Variants in KMT2C observed in about 807,000 individuals in gnomAD.
KMT2C encodes the protein histone-lysine N-methyltransferase 2C.
A neutral mutation model predicts 507.9 loss-of-function variants in KMT2C; 88 were observed. The ratio of observed to expected loss-of-function variants is 0.17; its 90% confidence interval spans 0.15 to 0.21. KMT2C has a LOEUF of 0.21. KMT2C is among the 10% of genes least tolerant of loss of function. The probability of loss-of-function intolerance (pLI) is 1.00; values close to 1 mark genes in which losing one functional copy is unlikely to be tolerated. For missense variants in KMT2C, 4,954 were observed against 5,957.8 expected (o/e 0.83, Z 5.55); for synonymous variants, 2,049 against 2,080.8 (o/e 0.98, Z 0.42).
chr7:152,307,888 T>A (rs141847809), intron 6 of KMT2C, among the ~76,000 whole-genome samples: 1 of 152,214 alleles, frequency 6.6e-6, no homozygotes, highest in Non-Finnish European at 1.5e-5. Flanking sequence ...CCTCTGGTTC[T>A]AATCCACCAC....
Position 152,136,332 on chromosome 7 carries a change from T to C in KMT2C, c.*500A>G, listed in dbSNP as rs2089868393. On this transcript the variant is annotated 3_prime_UTR_variant, in exon 59 of 59. Coordinates refer to ENST00000262189, the MANE Select transcript of KMT2C (RefSeq NM_170606.3). ...CTTGTTCAGTGGTGTCTACTTTATT[T>C]AAAAACATTTTGAAGTTAGAGGGCC... 4.6e-6 allele frequency: 1 copy of C among 219,284 alleles called. No homozygotes were observed. Among genetic ancestry groups the C allele is most frequent in the South Asian group, 1.8e-4 (1 of 5,504 alleles). The allele number at this position is 219,284 out of a possible 1,614,324, so 13.6% of individuals were successfully genotyped here. A position where few individuals can be genotyped will look rare whatever the true frequency, so the allele number is the denominator to read the frequency against.
intron 31 of KMT2C, among the ~76,000 whole-genome samples, chr7:152,193,371 G>C (rs956070267): frequency 2.0e-5 from 3 of 152,074 alleles, no homozygotes; most frequent in South Asian, 2.1e-4. Flanking sequence ...GAAGAAAAAT[G>C]AACAAAATAG....
At chr7:152,287,918 G>A (rs1419464835) in intron 6 of KMT2C, among the ~76,000 whole-genome samples, 1 of 150,912 alleles carries the variant, frequency 6.6e-6, no homozygotes, top group Non-Finnish European at 1.5e-5. Flanking sequence ...CAGCTACTCA[G>A]GAGGCTGAGG....
At chr7:152,390,923 G>A (rs1381838794) in intron 1 of KMT2C, among the ~76,000 whole-genome samples, 38 of 151,920 alleles carry the variant, frequency 2.5e-4, no homozygotes, top group Non-Finnish European at 2.2e-4. Flanking sequence ...GAGGCAGATG[G>A]ATCACGAGGT....
At chr7:152,372,860 C>T (rs2097302630) in intron 1 of KMT2C, among the ~76,000 whole-genome samples, 1 of 152,112 alleles carries the variant, frequency 6.6e-6, no homozygotes, top group Non-Finnish European at 1.5e-5. Context: ...ACTAAATGGA[C>T]CTAACAGACA....
intron 2 of KMT2C, among the ~76,000 whole-genome samples, chr7:152,355,569 AC>A (rs201117012): frequency 5.9e-5 from 9 of 151,954 alleles, no homozygotes; most frequent in South Asian, 2.1e-4. Context: ...AAACAAACAA[AC>A]AAAAAAAAAC....
At position 152,250,960 on chromosome 7, in the gene KMT2C, T is replaced by G; in HGVS notation, c.1628A>C (p.Asn543Thr). The G allele has an allele frequency of 6.4e-7, 1 of 1,552,082 alleles. No individual in the cohort carries two copies. The highest frequency in any genetic ancestry group is 8.9e-7 in the Non-Finnish European group (1 of 1,125,074). ...AGGGCCTTCAACTTCCATTTCATTG[T>G]TATAATCTTAACAAAAAATTATTAA... ...VEIAELTTDY[N>T]NEMEVEGPED... Residue 543 changes from asparagine (N) to threonine (T), a missense_variant, in exon 12 of 59, where the codon AAC becomes ACC. Around this residue, in one of 29 missense-constraint regions of KMT2C, gnomAD observed 376 missense variants for 352.4 expected, o/e 1.07. Coordinates refer to ENST00000262189, the MANE Select transcript of KMT2C (RefSeq NM_170606.3).
chr7:152,326,824 T>C (rs1387454381), intron 3 of KMT2C, among the ~76,000 whole-genome samples: 2 of 152,168 alleles, frequency 1.3e-5, no homozygotes, highest in African/African-American at 4.8e-5. Flanking sequence ...GAGCCTGCAG[T>C]GAGCTGAGAT....
In KMT2C at chr7:152,251,974, G is replaced by C; in HGVS notation, c.1586C>G (p.Pro529Arg). Residue 529 changes from proline to arginine, a missense_variant, in exon 11 of 59, where the codon CCA becomes CGA. Pro to Arg is a moderately radical substitution (Grantham distance 103). Coordinates refer to ENST00000262189, the MANE Select transcript of KMT2C (RefSeq NM_170606.3). ...CTCAGCTATCTCCACTTCCTCACCT[G>C]GCTGTAAACGATCCATCTCAGCTCC... ...HLGAEMDRLQ[P>R]GEEVEIAELT... The C allele has an allele frequency of 6.2e-7, 1 of 1,611,886 alleles. No homozygotes were observed.
chr7:152,399,552 T>A (rs990213856), intron 1 of KMT2C, among the ~76,000 whole-genome samples: 16 of 151,964 alleles, frequency 1.1e-4, no homozygotes, highest in African/African-American at 3.9e-4. Context: ...AACCCTAAAG[T>A]AAAGCCTGCC....
At chr7:152,160,611 A>T (rs1176619768) in intron 43 of KMT2C, among the ~76,000 whole-genome samples, 1 of 145,748 alleles carries the variant, frequency 6.9e-6, no homozygotes, top group Non-Finnish European at 1.5e-5. Context: ...CCTAAAAATT[A>T]ATTATATATA....
Position 152,162,964 on chromosome 7 carries a change from T to C in KMT2C, c.10613A>G (p.Asn3538Ser). ...CTGCTGGAAGCTGGTCCCAGAAAGA[T>C]TTCCATGTCCCTGCTTCACAGAAGA... ...NFSSVKQGHG[N>S]LSGTSFQQSP... The change falls in exon 43 of 59, where the codon AAT becomes AGT. Residue 3538 changes from asparagine (N) to serine (S), a missense_variant. By Grantham distance (46) the Asn-to-Ser change is conservative (BLOSUM62 1). Around this residue, in one of 29 missense-constraint regions of KMT2C, gnomAD observed 801 missense variants for 751.2 expected, o/e 1.07. Transcript: ENST00000262189. The C allele has an allele frequency of 1.9e-6, 3 of 1,614,138 alleles. No individual in the cohort carries two copies. In the South Asian group the frequency reaches 3.3e-5, roughly 18 times the overall value.
In KMT2C at chr7:152,139,691, T is replaced by C; in HGVS notation, c.14444A>G (p.Lys4815Arg). 6.2e-7 allele frequency: 1 copy of C among 1,612,448 alleles called. No homozygotes were observed. Among genetic ancestry groups the C allele is most frequent in the Non-Finnish European group, 8.5e-7 (1 of 1,178,438 alleles). The change falls in exon 56 of 59, where the codon AAG becomes AGG. Residue 4815 changes from lysine to arginine, a missense_variant. Around this residue, in one of 29 missense-constraint regions of KMT2C, gnomAD observed 133 missense variants for 258.9 expected, o/e 0.51. Transcript: ENST00000262189. The stretch of plus-strand genomic sequence containing the variant: ...GACACCTACCTGAGACTCATAAAGC[T>C]TCTCTTTCCTGTTGGCTACTTCGTT... ...IRNEVANRKE[K>R]LYESQNRGVY...
intron 2 of KMT2C, among the ~76,000 whole-genome samples, chr7:152,331,635 CAAA>C (rs34761796): frequency 4.3e-5 from 6 of 140,560 alleles, no homozygotes; most frequent in African/African-American, 1.7e-4. Flanking sequence ...ACAACAACAA[CAAA>C]AAGATTTTTT....
At chr7:152,198,431 G>C (rs114452445) in intron 27 of KMT2C, among the ~76,000 whole-genome samples, 1 of 152,242 alleles carries the variant, frequency 6.6e-6, no homozygotes, top group African/African-American at 2.4e-5. Flanking sequence ...TTCAAAATGA[G>C]TTTATAAAAT....
intron 33 of KMT2C, 129 bp downstream of exon 33, chr7:152,187,133 G>C: frequency 2.9e-6 from 2 of 684,046 alleles, no homozygotes; most frequent in Non-Finnish European, 5.1e-6. Context: ...GACATCTAGG[G>C]AATCTTCATG....
chr7:152,407,270 A>C (rs964399629), intron 1 of KMT2C, among the ~76,000 whole-genome samples: 1,341 of 115,086 alleles, frequency 0.012, no homozygotes, highest in African/African-American at 0.028. Flanking sequence ...GAAATATAAC[A>C]AAGGACTAAG....
chr7:152,266,239 ACCTTTTTTTTTT>A (rs917782655), intron 7 of KMT2C, among the ~76,000 whole-genome samples: 1 of 150,798 alleles, frequency 6.6e-6, no homozygotes, highest in African/African-American at 2.4e-5. Context: ...AAGTATATGA[ACCTTTTTTTTTT>A]CCTTTTTTTT....
At chr7:152,142,485 T>C (rs983520599) in intron 55 of KMT2C, among the ~76,000 whole-genome samples, 1 of 152,218 alleles carries the variant, frequency 6.6e-6, no homozygotes, top group Non-Finnish European at 1.5e-5. Context: ...CAGTCTCACA[T>C]GCTGCAGGAA....
Sources: allele counts gnomAD v4.1 joint callset (sites outside exome capture counted in the v4.1 genomes callset), GRCh38; gene constraint gnomAD v4.1.1; regional missense constraint gnomAD v4.1.1; transcripts MANE v1.5; gene names NCBI Gene and HGNC (gene_info 2026-07-23, HGNC 2026-07-21).